PLEKHG4: variants seen among roughly 807,000 people sequenced by gnomAD.
PLEKHG4 encodes the protein pleckstrin homology and RhoGEF domain containing G4.
Under a neutral mutation model 136.9 loss-of-function variants are expected in PLEKHG4, and 85 were observed. The ratio of observed to expected loss-of-function variants is 0.62; its 90% CI spans 0.52 to 0.74. PLEKHG4 has a LOEUF of 0.74. Among genes scored for constraint, PLEKHG4 ranks in the 30% least tolerant of loss-of-function variants. The pLI is 0.00. For synonymous variants in PLEKHG4, 577 were observed against 646.9 expected (o/e 0.89, Z 1.64); for missense variants, 1,317 against 1,527.8 (o/e 0.86, Z 2.30).
At chr16:67,283,612 A>G (rs1040726456) in intron 11 of PLEKHG4, among the ~76,000 whole-genome samples, 1 of 152,122 alleles carries the variant, frequency 6.6e-6, no homozygotes, top group African/African-American at 2.4e-5. Flanking sequence ...GGATGTTGCA[A>G]GGATGAATGG....
chr16:67,282,066 A>G lies in PLEKHG4; in HGVS notation c.1063A>G (p.Ile355Val). The G allele has an allele frequency of 2.5e-6, 4 of 1,613,566 alleles. No individual in the cohort carries two copies. The highest frequency in any genetic ancestry group is 2.2e-5 in the South Asian group (2 of 91,080). The change falls in exon 8 of 22, where the codon ATC (isoleucine) becomes GTC (valine). Residue 355 changes from isoleucine to valine, a missense_variant. By Grantham distance (29) the Ile-to-Val change is conservative. Transcript: ENST00000379344. ...QAACALLQGA[I>V]ESVKAVPQPM... The stretch of plus-strand genomic sequence containing the variant: ...AGCTTGTGCCCTGCTCCAGGGGGCC[A>G]TCGAAAGTGTGAAGGCTGTGCCCCA...
chr16:67,280,900 G>T lies in PLEKHG4; in HGVS notation c.614G>T (p.Gly205Val), dbSNP rs776088693. 15 of 1,612,846 alleles carry T rather than the reference G, an allele frequency of 9.3e-6. 1 individual carries two copies. The highest frequency in any genetic ancestry group is 1.2e-5 in the Non-Finnish European group (14 of 1,180,026). Reference protein sequence around the residue: ...ATLPGTRDVQGRAVLLLCAHS... With the variant: ...ATLPGTRDVQVRAVLLLCAHS... ...CCCACAGGGACTCGGGATGTCCAAG[G>T]CCGGGCAGTGCTGCTTCTGTGTGCC... The change falls in exon 4 of 22, where the codon GGC becomes GTC. Residue 205 changes from glycine (G) to valine (V), a missense_variant. Transcript: ENST00000379344. This position sits in a 1 kb window ranked among gnomAD's most constrained non-coding sequence, Gnocchi z 4.4.
In PLEKHG4 at chr16:67,282,226, CAG is replaced by C; in HGVS notation, c.1133_1134del (p.Glu378GlyfsTer47). 1 of 1,613,566 alleles carries C rather than the reference CAG, an allele frequency of 6.2e-7. No homozygotes were observed. The highest frequency in any genetic ancestry group is 8.5e-7 in the Non-Finnish European group (1 of 1,180,014). Reference sequence around the variant, plus strand: ...GAGGTCGGTCAGCTGCTACAGCAGACAGAGGTCCTGATGCAGCAGGTGCTAGA... The same window carrying C: ...GAGGTCGGTCAGCTGCTACAGCAGACAGGTCCTGATGCAGCAGGTGCTAGA... On this transcript the variant is annotated frameshift_variant, in exon 9 of 22. Coordinates refer to ENST00000379344, the MANE Select transcript of PLEKHG4 (RefSeq NM_001129729.3). LOFTEE classifies it high-confidence loss of function.
At position 67,287,370 on chromosome 16, in the gene PLEKHG4, C is replaced by T. The variant is rs2036524333; in HGVS notation, c.3103+193C>T. Among the ~76,000 whole-genome samples, 4 of 152,360 alleles carry T rather than the reference C, an allele frequency of 2.6e-5. 1 individual carries two copies. In the Middle Eastern group the frequency reaches 0.01, roughly 389 times the overall value. ...CCTCTGACTTTGGACACAACGTGAACTTCTCTGAATATAAGGGGCATCATG... is the reference window on the plus strand; with the variant it reads ...CCTCTGACTTTGGACACAACGTGAATTTCTCTGAATATAAGGGGCATCATG... On this transcript the variant is annotated intron_variant, in intron 18 of 21. Transcript: ENST00000379344.
In PLEKHG4 at chr16:67,282,591, G is replaced by A; in HGVS notation, c.1342G>A (p.Ala448Thr). 2 of 1,614,058 alleles carry A rather than the reference G, an allele frequency of 1.2e-6. No individual in the cohort carries two copies. Among genetic ancestry groups the A allele is most frequent in the South Asian group, 2.2e-5 (2 of 91,092 alleles). The change falls in exon 10 of 22, where the codon GCC (alanine) becomes ACC (threonine). Residue 448 changes from alanine (A) to threonine (T), a missense_variant. Coordinates refer to ENST00000379344, the MANE Select transcript of PLEKHG4 (RefSeq NM_001129729.3). ...CCTGCAGAGCAACCAGCGAATACAG[G>A]CCCTAGAGTTGGTCCAAACACTGGA... ...LTLQSNQRIQALELVQTLEAR... is the reference protein window; with the variant it reads ...LTLQSNQRIQTLELVQTLEAR...
chr16:67,279,904 A>T lies in PLEKHG4; in HGVS notation c.-141A>T. The T allele has an allele frequency of 1.3e-6, 1 of 778,462 alleles. No homozygotes were observed. Among genetic ancestry groups the T allele is most frequent in the Non-Finnish European group, 2.1e-6 (1 of 487,258 alleles). 48.2% of individuals were successfully genotyped at this position (778,462 alleles called of 1,614,324 possible). A position where few individuals can be genotyped will look rare whatever the true frequency, so the allele number is the denominator to read the frequency against. On this transcript the variant is annotated 5_prime_UTR_variant, in exon 2 of 22. Transcript: ENST00000379344. Reference sequence around the variant, plus strand: ...TGAATTGCAGTTCCTGTGCCCTGGCACTAAGACTGGCACCTCCTGCGGCCC... The same window carrying T: ...TGAATTGCAGTTCCTGTGCCCTGGCTCTAAGACTGGCACCTCCTGCGGCCC...
Position 67,286,384 on chromosome 16 carries a change from G to A in PLEKHG4, c.2532+21G>A, listed in dbSNP as rs568428058. The A allele has an allele frequency of 2.7e-5, 44 of 1,611,008 alleles. No individual in the cohort carries two copies. In the South Asian group the frequency reaches 4.8e-4, roughly 18 times the overall value. The stretch of plus-strand genomic sequence containing the variant: ...TCAAGGTAAGTGAACCTGAGATTAG[G>A]AGGAGTAGGGGATGCGGGGAGTGCC... On this transcript the variant is annotated intron_variant, in intron 15 of 21. Transcript: ENST00000379344.
chr16:67,288,688 G>C, intron 21 of PLEKHG4, 84 bp downstream of exon 21: 1 of 1,600,634 alleles, frequency 6.2e-7, no homozygotes, highest in Non-Finnish European at 8.6e-7. Context: ...CCCCAGCCCA[G>C]GCTAGGCCTT....
chr16:67,286,485 C>T lies in PLEKHG4; in HGVS notation c.2573C>T (p.Ser858Phe). Reference protein sequence around the residue: ...QALGDHLDLASYLLKPIQRMG... With the variant: ...QALGDHLDLAFYLLKPIQRMG... ...CTGGGGGACCACCTGGACCTGGCCT[C>T]CTACCTGCTAAAGCCCATCCAGCGC... is the stretch of plus-strand genomic sequence containing the variant. Residue 858 changes from serine to phenylalanine, a missense_variant, in exon 16 of 22, where the codon TCC becomes TTC. By Grantham distance (155) the Ser-to-Phe change is radical (BLOSUM62 -2). Transcript: ENST00000379344. The T allele has an allele frequency of 1.2e-6, 2 of 1,606,888 alleles. No individual in the cohort carries two copies. Among genetic ancestry groups the T allele is most frequent in the Non-Finnish European group, 1.7e-6 (2 of 1,176,000 alleles).
rs778841490 is a variant in PLEKHG4, at chr16:67,287,085, C to T, written c.3011C>T (p.Thr1004Ile). The T allele has an allele frequency of 4.6e-5, 75 of 1,613,172 alleles. No individual in the cohort carries two copies. The Admixed American group carries it at 1.2e-3, about 27-fold the overall frequency. ...IWFRRRKARD[T>I]FVLQASSLAI... is the part of the protein sequence containing the mutation. ...TTCCGCCGCCGCAAGGCCAGGGACA[C>T]CTTTGTGCTGCAGGCCTCCAGCCTG... Residue 1004 changes from threonine to isoleucine, a missense_variant, in exon 18 of 22, where the codon ACC (threonine) becomes ATC (isoleucine). By Grantham distance (89) the Thr-to-Ile change is moderately conservative. Coordinates refer to ENST00000379344, the MANE Select transcript of PLEKHG4 (RefSeq NM_001129729.3).
rs780662832 is a variant in PLEKHG4 at position 67,286,298 on chromosome 16, C to G, written c.2467C>G (p.Leu823Val). ...RHRVQFGMYA[L>V]YSKNKPRSDA... ...GAGGGTGCAGTTTGGGATGTACGCG[C>G]TCTACAGCAAGAATAAGCCTCGCTC... Residue 823 changes from leucine (L) to valine (V), a missense_variant, in exon 15 of 22, where the codon CTC becomes GTC. By Grantham distance (32) the Leu-to-Val change is conservative. Transcript: ENST00000379344. 6.2e-7 allele frequency: 1 copy of G among 1,613,814 alleles called. No individual in the cohort carries two copies. The highest frequency in any genetic ancestry group is 8.5e-7 in the Non-Finnish European group (1 of 1,179,708).
intron 16 of PLEKHG4, 32 bp downstream of exon 16, chr16:67,286,698 T>G: frequency 6.3e-7 from 1 of 1,595,390 alleles, no homozygotes; most frequent in South Asian, 1.1e-5. Context: ...GCAGTGGGTG[T>G]GAAGAAGAAG....
intron 6 of PLEKHG4, 39 bp from the exon 7 acceptor site, chr16:67,281,684 TC>T (rs748118918): frequency 6.2e-6 from 10 of 1,608,050 alleles, no homozygotes; most frequent in African/African-American, 1.3e-5. Flanking sequence ...GTGGGGTGCC[TC>T]CCCCCAGGCC....
chr16:67,286,657 G>A lies in PLEKHG4; in HGVS notation c.2745G>A (p.Gln915=). 6.4e-7 allele frequency: 1 copy of A among 1,574,124 alleles called. No homozygotes were observed. Among genetic ancestry groups the A allele is most frequent in the Non-Finnish European group, 8.6e-7 (1 of 1,159,286 alleles). ...ACCTGCTGGCCATGGACGCCATCCAGGGCTGTGATGTGAGTCATCCCAGGG... is the reference window on the plus strand; with the variant it reads ...ACCTGCTGGCCATGGACGCCATCCAAGGCTGTGATGTGAGTCATCCCAGGG... The part of the protein sequence containing the change: ...GNDLLAMDAI[Q]GCDVNLKEQG... Residue 915 remains glutamine, a synonymous_variant, in exon 16 of 22, where the codon CAG becomes CAA. Coordinates refer to ENST00000379344, the MANE Select transcript of PLEKHG4 (RefSeq NM_001129729.3).
Position 67,282,830 on chromosome 16 carries a change from C to T in PLEKHG4, c.1481C>T (p.Ser494Phe). ...GACATGCTGCTCCAGGCCCAAGGCTCTTTTCAGGAGCTGTACCAGGTTGCC... is the reference window on the plus strand; with the variant it reads ...GACATGCTGCTCCAGGCCCAAGGCTTTTTTCAGGAGCTGTACCAGGTTGCC... ...SLDMLLQAQG[S>F]FQELYQVAQE... Residue 494 changes from serine to phenylalanine, a missense_variant, in exon 11 of 22, where the codon TCT becomes TTT. By Grantham distance (155) the Ser-to-Phe change is radical. Coordinates refer to ENST00000379344, the MANE Select transcript of PLEKHG4 (RefSeq NM_001129729.3). 1 of 1,613,392 alleles carries T rather than the reference C, an allele frequency of 6.2e-7. No individual in the cohort carries two copies.
intron 5 of PLEKHG4, 135 bp from the exon 6 acceptor site, chr16:67,281,432 G>T (rs1176406411): frequency 7.6e-6 from 6 of 790,416 alleles, no homozygotes; most frequent in Non-Finnish European, 1.3e-5. Context: ...ACCATGTGTT[G>T]CCCAGGCTGA....
chr16:67,284,582 C>A lies in PLEKHG4; in HGVS notation c.1692+125C>A. 1 of 1,468,952 alleles carries A rather than the reference C, an allele frequency of 6.8e-7. No individual in the cohort carries two copies. The highest frequency in any genetic ancestry group is 9.4e-7 in the Non-Finnish European group (1 of 1,066,524). The allele number at this position is 1,468,952 out of a possible 1,614,324, so 91.0% of individuals were successfully genotyped here. A position where few individuals can be genotyped will look rare whatever the true frequency, so the allele number is the denominator to read the frequency against. The stretch of plus-strand genomic sequence containing the variant: ...TTCTCTTCCCTGGTCTTCAGTTTGA[C>A]CCTAAAACCCAGTCACTGGGGCTGT... On this transcript the variant is annotated intron_variant, in intron 12 of 21. Transcript: ENST00000379344. This position sits in a 1 kb window ranked among gnomAD's most constrained non-coding sequence, Gnocchi z 4.4.
Position 67,280,421 on chromosome 16 carries a change from G to C in PLEKHG4, c.377G>C (p.Gly126Ala), listed in dbSNP as rs776658407. 3.1e-6 allele frequency: 5 copies of C among 1,603,338 alleles called. No homozygotes were observed. Among genetic ancestry groups the C allele is most frequent in the Non-Finnish European group, 1.7e-6 (2 of 1,173,766 alleles). The change falls in exon 2 of 22, where the codon GGG becomes GCG. Residue 126 changes from glycine to alanine, a missense_variant. Transcript: ENST00000379344. The surrounding 1 kb of genome is among the most constrained non-coding windows in gnomAD (Gnocchi z 4.4). ...AQGESDTPGV[G>A]LVGDPGPSRA... ...GGTGAGAGTGACACCCCAGGGGTAG[G>C]GTTGGTAGGGGACCCAGGTCCAAGC...
In PLEKHG4 at chr16:67,282,049, C is replaced by A. The variant is rs2036253972; in HGVS notation, c.1046C>A (p.Ala349Asp). Reference sequence around the variant, plus strand: ...CTACAGAACTGCCAGGCAGCTTGTGCCCTGCTCCAGGGGGCCATCGAAAGT... The same window carrying A: ...CTACAGAACTGCCAGGCAGCTTGTGACCTGCTCCAGGGGGCCATCGAAAGT... ...ALLQNCQAAC[A>D]LLQGAIESVK... The change falls in exon 8 of 22, where the codon GCC becomes GAC. Residue 349 changes from alanine (A) to aspartate (D), a missense_variant. Physicochemically the swap from Ala to Asp is moderately radical, Grantham distance 126. Coordinates refer to ENST00000379344, the MANE Select transcript of PLEKHG4 (RefSeq NM_001129729.3). 6.2e-7 allele frequency: 1 copy of A among 1,613,402 alleles called. No individual in the cohort carries two copies. Among genetic ancestry groups the A allele is most frequent in the African/African-American group, 1.3e-5 (1 of 74,936 alleles).
Sources: allele counts gnomAD v4.1 joint callset (sites outside exome capture counted in the v4.1 genomes callset), GRCh38; gene constraint gnomAD v4.1.1; non-coding constraint Gnocchi (gnomAD v3.1); transcripts MANE v1.5; gene names NCBI Gene and HGNC (gene_info 2026-07-23, HGNC 2026-07-21).